The following KIF9 variants were observed in gnomAD, a reference collection of about 807,000 sequenced individuals.
KIF9 encodes kinesin-like protein KIF9.
In KIF9, 68 loss-of-function variants were observed where a neutral mutation model predicts 94.8. The ratio of observed to expected loss-of-function variants is 0.72; its 90% CI spans 0.59 to 0.88. KIF9 has a LOEUF of 0.88. KIF9 is among the 40% of genes least tolerant of loss of function. The probability of loss-of-function intolerance (pLI) is 0.00; values close to 1 mark genes in which losing one functional copy is unlikely to be tolerated. For missense variants in KIF9, 882 were observed against 982.5 expected (o/e 0.90, Z 1.37); for synonymous variants, 343 against 362.1 (o/e 0.95, Z 0.60).
intron 9 of KIF9, 69 bp downstream of exon 9, chr3:47,264,217 G>T: frequency 8.2e-7 from 1 of 1,217,998 alleles, no homozygotes; most frequent in Non-Finnish European, 1.2e-6. Context: ...AGCCAGCCTG[G>T]AGCCTTACCC....
chr3:47,242,083 A>G (rs373562725), intron 16 of KIF9, among the ~76,000 whole-genome samples: 2 of 151,574 alleles, frequency 1.3e-5, no homozygotes, highest in East Asian at 1.9e-4. Flanking sequence ...GAGTCCCACT[A>G]TGTTGCCCAG....
chr3:47,266,862 G>T, intron 7 of KIF9, 114 bp downstream of exon 7: 1 of 842,962 alleles, frequency 1.2e-6, no homozygotes, highest in Non-Finnish European at 2.0e-6. Context: ...ACTTCGCCTA[G>T]CTCAGGACTG....
At chr3:47,235,458 G>A in intron 20 of KIF9, 55 bp downstream of exon 20, 1 of 1,201,696 alleles carries the variant, frequency 8.3e-7, no homozygotes, top group Non-Finnish European at 1.2e-6. Context: ...TATGATCCTG[G>A]GTTTCCTAGT....
rs1698325875 is a variant in KIF9, at chr3:47,228,653, T to C, written c.2372A>G (p.Ter791TrpextTer18). Residue 791 changes from the stop codon to tryptophan (W), a stop_lost, in exon 21 of 21, where the codon TAG becomes TGG. Coordinates refer to ENST00000684063, the MANE Select transcript of KIF9 (RefSeq NM_182902.4). ...CTTTAAGGTACTGGCGATGAGGTTC[T>C]ATTTTCTATGTGCCTGCTGGAGGCC... ...MMGLQQAHRK[*>W] is the part of the protein sequence containing the mutation. The C allele has an allele frequency of 6.2e-7, 1 of 1,613,462 alleles. No homozygotes were observed. The highest frequency in any genetic ancestry group is 1.3e-5 in the African/African-American group (1 of 74,900).
intron 20 of KIF9, among the ~76,000 whole-genome samples, chr3:47,232,296 T>G (rs1020874383): frequency 6.6e-6 from 1 of 152,144 alleles, no homozygotes; most frequent in Non-Finnish European, 1.5e-5. Context: ...TGTTTTGTTT[T>G]GTTTTTTTTA....
intron 3 of KIF9, among the ~76,000 whole-genome samples, chr3:47,274,329 C>A (rs1701830125): frequency 6.6e-6 from 1 of 152,210 alleles, no homozygotes; most frequent in African/African-American, 2.4e-5. Flanking sequence ...CCACCAGGCT[C>A]CGGGACACAA....
chr3:47,242,718 G>C (rs371996031), intron 16 of KIF9, among the ~76,000 whole-genome samples: 127 of 152,326 alleles, frequency 8.3e-4, no homozygotes, highest in African/African-American at 2.9e-3. Flanking sequence ...GTGATTTGAG[G>C]AAAGGGAAGA....
chr3:47,265,927 C>A (rs1352318243), intron 7 of KIF9, 50 bp from the exon 8 acceptor site: 4 of 1,600,668 alleles, frequency 2.5e-6, no homozygotes, highest in South Asian at 2.2e-5. Context: ...GCAGCTGCCC[C>A]ACTAAGAATA....
At chr3:47,278,891 G>T (rs989570134) in intron 1 of KIF9, among the ~76,000 whole-genome samples, 12 of 152,178 alleles carry the variant, frequency 7.9e-5, no homozygotes, top group Non-Finnish European at 1.3e-4. Flanking sequence ...AGAATCGCTT[G>T]AATCTGGGAC....
At chr3:47,241,788 CGT>C (rs1699531600) in intron 16 of KIF9, among the ~76,000 whole-genome samples, 3 of 82,612 alleles carry the variant, frequency 3.6e-5, no homozygotes, top group East Asian at 3.4e-4. Flanking sequence ...CATGTATATA[CGT>C]GTATATATGT....
chr3:47,233,152 G>A (rs2107019853), intron 20 of KIF9, among the ~76,000 whole-genome samples: 1 of 151,540 alleles, frequency 6.6e-6, no homozygotes, highest in South Asian at 2.1e-4. Flanking sequence ...CCTGAGGTCA[G>A]GAGTTTGAGA....
chr3:47,232,960 G>A (rs777354206), intron 20 of KIF9, among the ~76,000 whole-genome samples: 4 of 139,598 alleles, frequency 2.9e-5, no homozygotes, highest in African/African-American at 5.4e-5. Context: ...CAGGTTGGGC[G>A]ACAGAGCGAG....
chr3:47,251,073 T>C (rs1700242504), intron 10 of KIF9, among the ~76,000 whole-genome samples: 1 of 152,176 alleles, frequency 6.6e-6, no homozygotes, highest in South Asian at 2.1e-4. Flanking sequence ...CCCCTTCAGG[T>C]GTGGACTTCC....
intron 1 of KIF9, 196 bp downstream of exon 1, chr3:47,282,299 C>T: frequency 1.0e-6 from 1 of 985,800 alleles, no homozygotes; most frequent in Non-Finnish European, 1.2e-6. Context: ...AACATTAGCT[C>T]CGAAGACCGT....
At chr3:47,276,042 G>C (rs771702089) in intron 2 of KIF9, among the ~76,000 whole-genome samples, 2 of 152,148 alleles carry the variant, frequency 1.3e-5, no homozygotes, top group Non-Finnish European at 2.9e-5. Context: ...TAGGAATTAA[G>C]AGTAAATTGA....
chr3:47,279,807 T>C (rs1386056976), intron 1 of KIF9, among the ~76,000 whole-genome samples: 2 of 151,904 alleles, frequency 1.3e-5, no homozygotes, highest in East Asian at 3.9e-4. Flanking sequence ...TTAGTAGAGA[T>C]GGGGTTTCAC....
chr3:47,256,617 C>G (rs1283428318), intron 10 of KIF9, among the ~76,000 whole-genome samples: 1 of 151,644 alleles, frequency 6.6e-6, no homozygotes, highest in Admixed American at 6.6e-5. Flanking sequence ...CCCCTCTGCC[C>G]GGCCACCACC....
At chr3:47,255,936 T>G (rs1700552780) in intron 10 of KIF9, among the ~76,000 whole-genome samples, 1 of 152,196 alleles carries the variant, frequency 6.6e-6, no homozygotes, top group African/African-American at 2.4e-5. Flanking sequence ...GTTTTCCTAT[T>G]TTTTTGGTGG....
At position 47,271,249 on chromosome 3, in the gene KIF9, G is replaced by A. The variant is rs1701627770; in HGVS notation, c.579C>T (p.Ser193=). The change falls in exon 5 of 21, where the codon AGC becomes AGT. Residue 193 remains serine (S), a synonymous_variant. Coordinates refer to ENST00000684063, the MANE Select transcript of KIF9 (RefSeq NM_182902.4). ...TTTATTATCTCACCTCAAAAAGGAG[G>A]CTGAATGCATCCTCCTCCTGACTTG... The part of the protein sequence containing the change: ...HLTSQEEDAF[S]LLFEGETNRI... The A allele has an allele frequency of 4.3e-6, 7 of 1,612,736 alleles. No individual in the cohort carries two copies. The highest frequency in any genetic ancestry group is 1.7e-4 in the Middle Eastern group (1 of 5,870).
Sources: gnomAD v4.1 joint callset for allele counts (sites outside exome capture counted in the v4.1 genomes callset) on GRCh38, gnomAD v4.1.1 for gene constraint, MANE v1.5 for transcripts, NCBI Gene and HGNC (gene_info 2026-07-23, HGNC 2026-07-21) for gene names.